Variants in MYEF2 observed in about 807,000 individuals in gnomAD.
MYEF2 encodes the protein myelin expression factor 2, also known as myelin gene expression factor 2.
MYEF2 carries 37 observed loss-of-function variants against 75.2 expected under a neutral mutation model. The ratio of observed to expected loss-of-function variants is 0.49; its 90% confidence interval spans 0.38 to 0.65. The LOEUF (loss-of-function observed/expected upper bound fraction) is 0.65, where lower values mean the gene tolerates loss of function less well. MYEF2 is among the 30% of genes least tolerant of loss of function. The pLI is 0.00. For missense variants in MYEF2, 634 were observed against 771.4 expected (o/e 0.82, Z 2.11); for synonymous variants, 195 against 241.6 (o/e 0.81, Z 1.79).
intron 3 of MYEF2, 142 bp downstream of exon 3, chr15:48,167,207 C>G (rs934654588): frequency 5.4e-6 from 4 of 747,048 alleles, no homozygotes; most frequent in Non-Finnish European, 8.7e-6. Flanking sequence ...GTCAGACTTG[C>G]TGGTATAGAG....
At position 48,141,966 on chromosome 15, in the gene MYEF2, G is replaced by A. The variant is rs2039104903; in HGVS notation, c.*942C>T. The A allele has an allele frequency of 8.3e-7, 1 of 1,205,490 alleles. No individual in the cohort carries two copies. The highest frequency in any genetic ancestry group is 1.5e-5 in the African/African-American group (1 of 66,046). The allele number at this position is 1,205,490 out of a possible 1,614,324, so 74.7% of individuals were successfully genotyped here. ...AAGTATCCAGTGTTTCTTTTCTTAT[G>A]AAGATTATTAATAAAACACAGTATT... On this transcript the variant is annotated 3_prime_UTR_variant, in exon 17 of 17. Coordinates refer to ENST00000324324, the MANE Select transcript of MYEF2 (RefSeq NM_016132.5).
In MYEF2 at chr15:48,141,189, T is replaced by A; in HGVS notation, c.*1719A>T. ...CAGGAACAAGCATACCAGACACAAT[T>A]GCAAGTGTGTTGGTTGCAAGAAAAG... On this transcript the variant is annotated 3_prime_UTR_variant, in exon 17 of 17. Transcript: ENST00000324324. 5 of 1,613,794 alleles carry A rather than the reference T, an allele frequency of 3.1e-6. No homozygotes were observed. The highest frequency in any genetic ancestry group is 4.2e-6 in the Non-Finnish European group (5 of 1,179,742).
chr15:48,143,434 T>C (rs1332702971), intron 16 of MYEF2, among the ~76,000 whole-genome samples: 1 of 152,014 alleles, frequency 6.6e-6, no homozygotes, highest in Non-Finnish European at 1.5e-5. Context: ...CAAAATTATT[T>C]TTAGAATAAA....
chr15:48,148,136 T>A (rs561955836), intron 16 of MYEF2, among the ~76,000 whole-genome samples: 1 of 152,156 alleles, frequency 6.6e-6, no homozygotes, highest in African/African-American at 2.4e-5. Flanking sequence ...CTAAACCTAT[T>A]CCTTCATGAC....
intron 6 of MYEF2, among the ~76,000 whole-genome samples, chr15:48,159,135 C>T (rs1373783762): frequency 2.6e-5 from 4 of 151,720 alleles, no homozygotes; most frequent in African/African-American, 9.7e-5. Context: ...TTTTTAATTT[C>T]CAAAATCATC....
Position 48,168,711 on chromosome 15 carries a change from G to A in MYEF2, c.290C>T (p.Pro97Leu), listed in dbSNP as rs760126382. ...KNSGAGEKKG[P>L]NRNRVFISNI... ...GCTAATGAAAACTCTGTTACGATTT[G>A]GACCCTTCTTTTCTCCAGCGCCCGA... Residue 97 changes from proline (P) to leucine (L), a missense_variant, in exon 2 of 17, where the codon CCA (proline) becomes CTA (leucine). Physicochemically the swap from Pro to Leu is moderately conservative, Grantham distance 98 (BLOSUM62 -3). Transcript: ENST00000324324. The A allele has an allele frequency of 3.7e-6, 6 of 1,613,652 alleles. No homozygotes were observed. The South Asian group carries it at 5.5e-5, about 15-fold the overall frequency.
intron 10 of MYEF2, chr15:48,153,263 T>C (rs2039564330): frequency 6.6e-6 from 1 of 152,148 alleles, no homozygotes; most frequent in African/African-American, 2.4e-5. Context: ...TAATTTTTCA[T>C]TTATAATACA....
chr15:48,177,624 A>G (rs1242456497), intron 1 of MYEF2, among the ~76,000 whole-genome samples: 1 of 152,230 alleles, frequency 6.6e-6, no homozygotes, highest in African/African-American at 2.4e-5. Flanking sequence ...GAAAGAAGCC[A>G]GGAATATTCC....
At chr15:48,148,488 C>T (rs2140825195) in intron 16 of MYEF2, among the ~76,000 whole-genome samples, 1 of 151,958 alleles carries the variant, frequency 6.6e-6, no homozygotes, top group South Asian at 2.1e-4. Flanking sequence ...CAAAATGTAC[C>T]CATGTCCAAG....
chr15:48,135,082 TCTGCCACTTCTATAC>T lies in MYEF2; in HGVS notation c.*7811_*7825del. The T allele has an allele frequency of 3.6e-6, 3 of 844,156 alleles. No homozygotes were observed. The highest frequency in any genetic ancestry group is 5.8e-6 in the Non-Finnish European group (3 of 519,566). The allele number at this position is 844,156 out of a possible 1,614,324, so 52.3% of individuals were successfully genotyped here. On this transcript the variant is annotated 3_prime_UTR_variant, in exon 17 of 17. Coordinates refer to ENST00000324324, the MANE Select transcript of MYEF2 (RefSeq NM_016132.5). ...CAGAAATGTTATTTCAGTCACTTAA[TCTGCCACTTCTATAC>T]CATATTCCAACAGGTCTGTGAGTTA... is the stretch of plus-strand genomic sequence containing the variant.
Position 48,139,698 on chromosome 15 carries a change from C to T in MYEF2, c.*3210G>A, listed in dbSNP as rs2039003403. ...TAATTTTATTCTAGGTTTCTACTAC[C>T]TTCATGATTAAGACTTAACTAGCTA... is the stretch of plus-strand genomic sequence containing the variant. On this transcript the variant is annotated 3_prime_UTR_variant, in exon 17 of 17. Transcript: ENST00000324324. 6.6e-6 allele frequency: 1 copy of T among 152,196 alleles called. No individual in the cohort carries two copies. Among genetic ancestry groups the T allele is most frequent in the South Asian group, 2.1e-4 (1 of 4,836 alleles). The allele number at this position is 152,196 out of a possible 1,614,324, so 9.4% of individuals were successfully genotyped here.
intron 1 of MYEF2, among the ~76,000 whole-genome samples, chr15:48,176,721 C>T (rs961078302): frequency 4.6e-5 from 7 of 152,152 alleles, no homozygotes; most frequent in African/African-American, 1.7e-4. Context: ...ATCATTCCAC[C>T]GGTTTTCATT....
intron 9 of MYEF2, among the ~76,000 whole-genome samples, chr15:48,155,490 T>C (rs541297674): frequency 6.6e-6 from 1 of 152,178 alleles, no homozygotes; most frequent in Admixed American, 6.5e-5. Flanking sequence ...AGAAAAAGTA[T>C]TGGATCTAAG....
chr15:48,143,825 A>G lies in MYEF2; in HGVS notation c.1640-754T>C, dbSNP rs141380477. On this transcript the variant is annotated intron_variant, in intron 16 of 16. Transcript: ENST00000324324. Reference sequence around the variant, plus strand: ...TGCTAACTCTAGAGACTCGTATTTGAAGTAAATCAATACCATTTATCAAAA... The same window carrying G: ...TGCTAACTCTAGAGACTCGTATTTGGAGTAAATCAATACCATTTATCAAAA... 6.0e-3 allele frequency among the ~76,000 whole-genome samples: 911 copies of G among 152,230 alleles called. 5 individuals are homozygous for G. The highest frequency in any genetic ancestry group is 0.021 in the African/African-American group (874 of 41,560).
intron 5 of MYEF2, among the ~76,000 whole-genome samples, chr15:48,163,253 T>G (rs913967770): frequency 8.5e-5 from 13 of 152,224 alleles, no homozygotes; most frequent in Non-Finnish European, 1.6e-4. Context: ...ATTAAGATAC[T>G]TCACTTGTTT....
At chr15:48,151,202 T>A (rs2039480640) in intron 13 of MYEF2, 31 bp from the exon 14 acceptor site, 2 of 1,540,576 alleles carry the variant, frequency 1.3e-6, no homozygotes, top group Non-Finnish European at 1.8e-6. Flanking sequence ...AATATACTAA[T>A]TAATTTTAAA....
chr15:48,151,469 C>T lies in MYEF2; in HGVS notation c.1306+4G>A. The T allele has an allele frequency of 6.2e-7, 1 of 1,610,626 alleles. No individual in the cohort carries two copies. Among genetic ancestry groups the T allele is most frequent in the Non-Finnish European group, 8.5e-7 (1 of 1,177,054 alleles). ...GAAAAGGAGAAGTATGCAGCCAGCC[C>T]TACCAAGTCTACCAAAGGAATCTCC... On this transcript the variant is annotated splice_donor_region_variant and intron_variant, in intron 13 of 16. Transcript: ENST00000324324.
intron 2 of MYEF2, among the ~76,000 whole-genome samples, chr15:48,167,954 T>A (rs560628923): frequency 1.4e-4 from 22 of 151,792 alleles, no homozygotes; most frequent in South Asian, 1.0e-3. Context: ...AAAAAAAAAA[T>A]TTATTAGAAG....
chr15:48,148,149 C>A (rs1186661061), intron 16 of MYEF2, among the ~76,000 whole-genome samples: 2 of 151,984 alleles, frequency 1.3e-5, no homozygotes, highest in Non-Finnish European at 2.9e-5. Context: ...TTCATGACCT[C>A]AGAAATTATA....
Sources: gnomAD v4.1 joint callset for allele counts (sites outside exome capture counted in the v4.1 genomes callset) on GRCh38, gnomAD v4.1.1 for gene constraint, MANE v1.5 for transcripts, NCBI Gene and HGNC (gene_info 2026-07-23, HGNC 2026-07-21) for gene names.